ANKRD36: variants seen among roughly 807,000 people sequenced by gnomAD.
The protein encoded by ANKRD36 is ankyrin repeat domain-containing protein 36A.
Under a neutral mutation model 278.1 loss-of-function variants are expected in ANKRD36, and 179 were observed. That is an observed-to-expected ratio of 0.64 (90% confidence interval 0.57 to 0.73). The LOEUF is 0.73. Ranked by LOEUF, ANKRD36 falls within the 30% of genes least tolerant of loss-of-function variation. The pLI, the probability that ANKRD36 is intolerant of heterozygous loss-of-function variation, is 0.00. For synonymous variants in ANKRD36, 320 were observed against 641.1 expected (o/e 0.50, Z 7.57); for missense variants, 1,159 against 1,956.7 (o/e 0.59, Z 7.69).
At chr2:97,146,208 C>T (rs1574899173) in intron 10 of ANKRD36, among the ~76,000 whole-genome samples, 1 of 151,810 alleles carries the variant, frequency 6.6e-6, no homozygotes, top group Admixed American at 6.6e-5. Flanking sequence ...CTCAAGTTAT[C>T]CACCCACCTC....
Position 97,226,653 on chromosome 2 carries a change from G to T in ANKRD36, c.3951+1774G>T, listed in dbSNP as rs550767472. Among the ~76,000 whole-genome samples the T allele has an allele frequency of 1.9e-4, 29 of 152,076 alleles. No individual in the cohort carries two copies. In the East Asian group the frequency reaches 4.3e-3, roughly 23 times the overall value. ...AATTAGATCCCATCTGTCAATTTTG[G>T]CTTTTGTTGCCATTGCTTTTGGTGT... On this transcript the variant is annotated intron_variant, in intron 67 of 75. Transcript: ENST00000420699.
intron 36 of ANKRD36, 115 bp downstream of exon 36, chr2:97,191,296 CT>C: frequency 8.2e-7 from 1 of 1,219,536 alleles, no homozygotes; most frequent in South Asian, 1.6e-5. Context: ...TTCAGCTGTC[CT>C]GAGATTCTTC....
In ANKRD36 at chr2:97,189,756, A is replaced by C. The variant is rs1362546671; in HGVS notation, c.2245+466A>C. Among the ~76,000 whole-genome samples the C allele has an allele frequency of 2.4e-5, 2 of 81,750 alleles. 1 individual carries two copies. Among genetic ancestry groups the C allele is most frequent in the Non-Finnish European group, 8.7e-5 (2 of 23,024 alleles). 53.6% of individuals were successfully genotyped at this position (81,750 alleles called of 152,430 possible). On this transcript the variant is annotated intron_variant, in intron 34 of 75. Transcript: ENST00000420699. ...GATGTAGCAATTATTTTCCCAAGGA[A>C]GATGGATTGTCAGACAGGAAGGAGG...
intron 15 of ANKRD36, among the ~76,000 whole-genome samples, chr2:97,155,978 A>T (rs1170868040): frequency 6.8e-6 from 1 of 146,110 alleles, no homozygotes; most frequent in African/African-American, 2.4e-5. Flanking sequence ...AATGTTCTGA[A>T]TTTATCTTTT....
chr2:97,170,732 C>T (rs1166600350), intron 22 of ANKRD36, among the ~76,000 whole-genome samples: 2 of 151,606 alleles, frequency 1.3e-5, no homozygotes, highest in East Asian at 1.9e-4. Flanking sequence ...AGCTTCTGCA[C>T]AGCAAAAGAA....
intron 11 of ANKRD36, among the ~76,000 whole-genome samples, chr2:97,148,032 G>C (rs11675608): frequency 0.63 from 89,871 of 143,368 alleles, 30,817 homozygotes; most frequent in Non-Finnish European, 0.79. Flanking sequence ...GTCTCCAGAG[G>C]AGATAGGAAT....
At chr2:97,165,909 G>T (rs544618200) in intron 20 of ANKRD36, among the ~76,000 whole-genome samples, 1 of 152,388 alleles carries the variant, frequency 6.6e-6, no homozygotes, top group Admixed American at 6.5e-5. Flanking sequence ...GTCACTTAAT[G>T]CTCTCATTTT....
At position 97,215,489 on chromosome 2, in the gene ANKRD36, G is replaced by C. The variant is rs1212813266; in HGVS notation, c.3665G>C (p.Arg1222Pro). The change falls in exon 62 of 76, where the codon CGT becomes CCT. Residue 1222 changes from arginine to proline, a missense_variant. Transcript: ENST00000420699. ...ACAGAAATAAAGGATGGACAAATAC[G>C]TGGGACAGGTATTTTGGAATACACC... ...IATEIKDGQI[R>P]GTVSPQKQSA... 1 of 1,572,592 alleles carries C rather than the reference G, an allele frequency of 6.4e-7. No individual in the cohort carries two copies. Among genetic ancestry groups the C allele is most frequent in the Admixed American group, 1.9e-5 (1 of 53,204 alleles).
intron 1 of ANKRD36, 100 bp downstream of exon 1, chr2:97,114,036 C>T: frequency 1.0e-5 from 3 of 289,980 alleles, no homozygotes; most frequent in Non-Finnish European, 1.0e-5. Flanking sequence ...GTCCGGGGCT[C>T]GGGGTTTGGA....
chr2:97,197,744 G>A (rs575278022), intron 42 of ANKRD36, among the ~76,000 whole-genome samples: 1 of 151,896 alleles, frequency 6.6e-6, no homozygotes, highest in East Asian at 1.9e-4. Flanking sequence ...ACTTTGTATA[G>A]GTATGTCAAA....
At chr2:97,208,739 A>C (rs1255512973) in intron 54 of ANKRD36, among the ~76,000 whole-genome samples, 1 of 146,430 alleles carries the variant, frequency 6.8e-6, no homozygotes, top group South Asian at 2.1e-4. Context: ...AATGTGAATA[A>C]ATTTGCTTCC....
intron 67 of ANKRD36, among the ~76,000 whole-genome samples, chr2:97,229,564 A>C (rs1298375210): frequency 6.6e-6 from 1 of 152,092 alleles, no homozygotes; most frequent in Admixed American, 6.5e-5. Context: ...TGAATACAGC[A>C]CACTGATGGA....
rs375399790 is a variant in ANKRD36, at chr2:97,200,381, A to G, written c.2784+19A>G. 1.1e-4 allele frequency: 180 copies of G among 1,604,900 alleles called. No individual in the cohort carries two copies. Among genetic ancestry groups the G allele is most frequent in the Non-Finnish European group, 1.3e-4 (150 of 1,178,566 alleles). On this transcript the variant is annotated intron_variant, in intron 45 of 75. Transcript: ENST00000420699. ...CTTGGAGGTAATGAAACTCTCATTC[A>G]TATTGTGAGCTAGTAAACGTATAGC...
Position 97,154,592 on chromosome 2 carries a change from G to A in ANKRD36, c.1194-83G>A. 6 of 1,125,672 alleles carry A rather than the reference G, an allele frequency of 5.3e-6. No homozygotes were observed. The Admixed American group carries it at 7.0e-5, about 13-fold the overall frequency. The allele number at this position is 1,125,672 out of a possible 1,614,324, so 69.7% of individuals were successfully genotyped here. ...TTGTTTTACCATTTTTTTTGGAGGGGACCTGCATGTATAGACTGACGGTTT... is the reference window on the plus strand; with the variant it reads ...TTGTTTTACCATTTTTTTTGGAGGGAACCTGCATGTATAGACTGACGGTTT... On this transcript the variant is annotated intron_variant, in intron 14 of 75. Coordinates refer to ENST00000420699, the MANE Select transcript of ANKRD36 (RefSeq NM_001354587.1).
intron 48 of ANKRD36, 38 bp downstream of exon 48, chr2:97,202,431 A>G (rs968368416): frequency 1.9e-6 from 3 of 1,541,940 alleles, no homozygotes; most frequent in Non-Finnish European, 2.6e-6. Context: ...TGTTCAGTCC[A>G]GGTAGATAAG....
intron 30 of ANKRD36, 137 bp from the exon 31 acceptor site, chr2:97,187,061 T>C: frequency 1.4e-6 from 2 of 1,446,664 alleles, no homozygotes; most frequent in South Asian, 2.7e-5. Flanking sequence ...GCTCCTGGCT[T>C]AAGACATAAA....
chr2:97,206,529 G>A (rs1184096196), intron 52 of ANKRD36, among the ~76,000 whole-genome samples: 15 of 151,282 alleles, frequency 9.9e-5, no homozygotes, highest in East Asian at 2.0e-4. Flanking sequence ...GTAATAACCC[G>A]TACACTCTGT....
intron 68 of ANKRD36, among the ~76,000 whole-genome samples, chr2:97,241,012 TTTTTTTA>T (rs1398622011): frequency 1.1e-4 from 13 of 116,512 alleles, no homozygotes; most frequent in African/African-American, 3.8e-4. Flanking sequence ...TTTTTTTTTT[TTTTTTTA>T]CAGGACCTAT....
At position 97,213,574 on chromosome 2, in the gene ANKRD36, T is replaced by C; in HGVS notation, c.3531T>C (p.Asn1177=). ...ATSDKKDSVS[N]IPTEIKDGQQ... The stretch of plus-strand genomic sequence containing the variant: ...GTGACAAGAAAGATTCTGTTTCGAA[T>C]ATACCCACAGAAATAAAGGATGGAC... Residue 1177 remains asparagine (N), a synonymous_variant, in exon 60 of 76, where the codon AAT becomes AAC. Transcript: ENST00000420699. The C allele has an allele frequency of 1.6e-6, 1 of 639,820 alleles. No individual in the cohort carries two copies. 39.6% of individuals were successfully genotyped at this position (639,820 alleles called of 1,614,324 possible).
Sources: gnomAD v4.1 joint callset for allele counts (sites outside exome capture counted in the v4.1 genomes callset) on GRCh38, gnomAD v4.1.1 for gene constraint, MANE v1.5 for transcripts, NCBI Gene and HGNC (gene_info 2026-07-23, HGNC 2026-07-21) for gene names.